The following IGFL2 variants were observed in gnomAD, a reference collection of about 807,000 sequenced individuals.
IGFL2 encodes IGF like family member 2.
In IGFL2, 7 loss-of-function variants were observed where a neutral mutation model predicts 13.9. The ratio of observed to expected loss-of-function variants is 0.51; its 90% CI spans 0.29 to 0.95. IGFL2 has a LOEUF of 0.95. Ranked by LOEUF, IGFL2 falls within the 40% of genes least tolerant of loss-of-function variation. IGFL2 has a pLI of 0.08. For synonymous variants in IGFL2, 55 were observed against 55.8 expected (o/e 0.99, Z 0.07); for missense variants, 138 against 147.8 (o/e 0.93, Z 0.34).
At chr19:46,088,159 C>T in the IGFL2 span, among the ~76,000 whole-genome samples, 3 of 152,310 alleles carry the variant, frequency 2.0e-5, no homozygotes, top group East Asian at 1.9e-4. Flanking sequence ...CCTCCCATTA[C>T]TTCTCTGTTG....
the IGFL2 span, among the ~76,000 whole-genome samples, chr19:46,179,135 G>T: frequency 6.6e-6 from 1 of 151,882 alleles, no homozygotes; most frequent in Non-Finnish European, 1.5e-5. Context: ...TGAGAGGCAG[G>T]GATGCAGGGG....
the IGFL2 span, among the ~76,000 whole-genome samples, chr19:46,128,200 C>A: frequency 1.3e-5 from 2 of 152,212 alleles, no homozygotes; most frequent in East Asian, 3.9e-4. Context: ...GATTTTATAT[C>A]CTGCAACTTC....
At chr19:46,199,305 A>G in the IGFL2 span, among the ~76,000 whole-genome samples, 4 of 152,276 alleles carry the variant, frequency 2.6e-5, no homozygotes, top group East Asian at 7.7e-4. Context: ...TGTCAGAAAA[A>G]CAACCTCCTT....
chr19:46,180,630 T>C, the IGFL2 span: 1 of 152,216 alleles, frequency 6.6e-6, no homozygotes, highest in African/African-American at 2.4e-5. Flanking sequence ...AGTCCCACAA[T>C]AGGCATCTGC....
At chr19:46,160,036 C>T (rs1368304004) in intron 1 of IGFL2, 1 of 275,558 alleles carries the variant, frequency 3.6e-6, no homozygotes, top group Admixed American at 4.8e-5. Flanking sequence ...GACAATCCTG[C>T]ACCCCAGTTC....
the IGFL2 span, among the ~76,000 whole-genome samples, chr19:46,184,964 A>C: frequency 2.6e-5 from 4 of 152,068 alleles, no homozygotes; most frequent in East Asian, 5.8e-4. Context: ...ATGGTATCTC[A>C]TTGTGGTTTT....
At chr19:46,118,208 TGGAATA>T in the IGFL2 span, among the ~76,000 whole-genome samples, 1 of 152,134 alleles carries the variant, frequency 6.6e-6, no homozygotes, top group Non-Finnish European at 1.5e-5. Flanking sequence ...TTCTATAAAT[TGGAATA>T]GACTTTGGAG....
At chr19:46,145,020 T>C (rs1160668204), upstream of IGFL2, among the ~76,000 whole-genome samples, 1 of 152,182 alleles carries the variant, frequency 6.6e-6, no homozygotes, top group East Asian at 1.9e-4. Flanking sequence ...GTGTCTCCCA[T>C]TTCCCCTGTT....
At chr19:46,171,382 CAGAG>C in the IGFL2 span, among the ~76,000 whole-genome samples, 79 of 152,230 alleles carry the variant, frequency 5.2e-4, no homozygotes, top group African/African-American at 1.6e-3. Context: ...TTCAGATTGA[CAGAG>C]AGAAGAAGCT....
the IGFL2 span, chr19:46,120,408 A>C: frequency 6.2e-7 from 1 of 1,607,682 alleles, no homozygotes; most frequent in South Asian, 1.1e-5. Flanking sequence ...ATTCTCAGGA[A>C]AAAATTATCC....
chr19:46,080,408 ATAAATT>A, the IGFL2 span, among the ~76,000 whole-genome samples: 4 of 152,068 alleles, frequency 2.6e-5, no homozygotes, highest in Admixed American at 6.5e-5. Context: ...AAAAAAAAGA[ATAAATT>A]TAAAAGGAAA....
rs1973984442 is a variant in IGFL2, at chr19:46,159,029, C to T, written c.20-1386C>T. ...AGGTGCTGTATCACATATCATCTGC[C>T]ACTTACTATTATTACTATTATTACA... On this transcript the variant is annotated intron_variant, in intron 1 of 3. Coordinates refer to ENST00000377693, the MANE Select transcript of IGFL2 (RefSeq NM_001135113.2). 4 of 152,160 alleles carry T rather than the reference C, an allele frequency of 2.6e-5. No individual in the cohort carries two copies. The South Asian group carries it at 8.3e-4, about 32-fold the overall frequency. The allele number at this position is 152,160 out of a possible 1,614,324, so 9.4% of individuals were successfully genotyped here.
At chr19:46,135,056 A>G in the IGFL2 span, among the ~76,000 whole-genome samples, 4 of 152,242 alleles carry the variant, frequency 2.6e-5, no homozygotes, top group Admixed American at 2.6e-4. Flanking sequence ...GGTATCATTT[A>G]CAAAATTTTC....
At chr19:46,100,494 G>A in the IGFL2 span, among the ~76,000 whole-genome samples, 1 of 152,108 alleles carries the variant, frequency 6.6e-6, no homozygotes, top group African/African-American at 2.4e-5. Flanking sequence ...ACATAAAAGG[G>A]GCAGAGGAAA....
chr19:46,197,230 A>G, the IGFL2 span: 1 of 202,986 alleles, frequency 4.9e-6, no homozygotes, highest in Non-Finnish European at 1.0e-5. Context: ...CATGGTGAAG[A>G]TGAAAGGCCA....
At chr19:46,172,165 A>G in the IGFL2 span, among the ~76,000 whole-genome samples, 2 of 152,322 alleles carry the variant, frequency 1.3e-5, no homozygotes, top group South Asian at 4.1e-4. Flanking sequence ...ATGGTTATAT[A>G]GTCTAAGGTA....
chr19:46,106,258 A>C, the IGFL2 span, among the ~76,000 whole-genome samples: 3 of 152,192 alleles, frequency 2.0e-5, no homozygotes, highest in Non-Finnish European at 4.4e-5. Flanking sequence ...TTGAGAATAG[A>C]TGTTGGAGGA....
At chr19:46,120,344 C>T in the IGFL2 span, 29 of 1,610,946 alleles carry the variant, frequency 1.8e-5, no homozygotes, top group East Asian at 4.5e-5. Flanking sequence ...GGGTACAGGA[C>T]GTGCCTCCTG....
chr19:46,084,651 C>T, the IGFL2 span, among the ~76,000 whole-genome samples: 1 of 152,128 alleles, frequency 6.6e-6, no homozygotes, highest in Non-Finnish European at 1.5e-5. Flanking sequence ...GGAGCAGAAG[C>T]TAGAGAGAGA....
Sources: gnomAD v4.1 joint callset for allele counts (sites outside exome capture counted in the v4.1 genomes callset) on GRCh38, gnomAD v4.1.1 for gene constraint, MANE v1.5 for transcripts, NCBI Gene and HGNC (gene_info 2026-07-23, HGNC 2026-07-21) for gene names.